The following TRPC5OS variants were observed in gnomAD, a reference collection of about 807,000 sequenced individuals.
TRPC5OS encodes putative uncharacterized protein TRPC5OS.
For missense variants in TRPC5OS, 64 were observed against 79.3 expected (o/e 0.81, Z 0.73); for synonymous variants, 30 against 29.3 (o/e 1.02, Z -0.08).
In TRPC5OS at chrX:111,901,836, A is replaced by C; in HGVS notation, c.-14A>C. Reference sequence around the variant, plus strand: ...TTTTAGTGATATTTTATCTATTTAGAAGAGCACTGCAGCATGGATTCTGTG... The same window carrying C: ...TTTTAGTGATATTTTATCTATTTAGCAGAGCACTGCAGCATGGATTCTGTG... On this transcript the variant is annotated 5_prime_UTR_variant, in exon 4 of 4. Coordinates refer to ENST00000635763, the MANE Select transcript of TRPC5OS (RefSeq NM_001195578.2). 5 of 1,097,496 alleles carry C rather than the reference A, an allele frequency of 4.6e-6. No homozygotes were observed. The highest frequency in any genetic ancestry group is 6.0e-6 in the Non-Finnish European group (5 of 838,674). 90.4% of individuals were successfully genotyped at this position (1,097,496 alleles called of 1,213,427 possible).
At chrX:111,890,454 G>A (rs936012283) in intron 1 of TRPC5OS, among the ~76,000 whole-genome samples, 17 of 112,052 alleles carry the variant, frequency 1.5e-4, no homozygotes, top group African/African-American at 2.9e-4. Flanking sequence ...GTATATGAGG[G>A]AGGATGTGCA....
At chrX:111,876,606 G>A (rs1408048112) in intron 1 of TRPC5OS, among the ~76,000 whole-genome samples, 1 of 111,495 alleles carries the variant, frequency 9.0e-6, no homozygotes, top group Non-Finnish European at 1.9e-5. Context: ...TGCCCTGAGG[G>A]AACCAGTGAA....
chrX:111,881,146 G>T (rs868155400), intron 1 of TRPC5OS, among the ~76,000 whole-genome samples: 1,422 of 101,142 alleles, frequency 0.014, 20 homozygotes, highest in African/African-American at 0.057. Flanking sequence ...ATTTTCTTTT[G>T]TTTATTTTAT....
At chrX:111,882,529 A>ACAAGGC (rs1339484356) in intron 1 of TRPC5OS, among the ~76,000 whole-genome samples, 1 of 113,127 alleles carries the variant, frequency 8.8e-6, no homozygotes, top group East Asian at 2.8e-4. Context: ...CTTAATCAAG[A>ACAAGGC]CAAGGCCAAG....
intron 1 of TRPC5OS, among the ~76,000 whole-genome samples, chrX:111,893,082 T>TTG (rs1924882685): frequency 9.2e-6 from 1 of 108,532 alleles, no homozygotes; most frequent in African/African-American, 3.4e-5. Flanking sequence ...ATATAGGGTT[T>TTG]TTTTTTTTTT....
intron 1 of TRPC5OS, among the ~76,000 whole-genome samples, chrX:111,891,520 T>C (rs1031537239): frequency 9.0e-6 from 1 of 111,535 alleles, no homozygotes; most frequent in African/African-American, 3.3e-5. Flanking sequence ...TAATCCTTGC[T>C]ACACAGGATT....
intron 1 of TRPC5OS, among the ~76,000 whole-genome samples, chrX:111,879,917 CA>C (rs1312099876): frequency 1.1e-4 from 11 of 101,469 alleles, no homozygotes; most frequent in African/African-American, 5.2e-4. Flanking sequence ...AGTTCCTCTT[CA>C]TTTTTTTTTT....
intron 1 of TRPC5OS, among the ~76,000 whole-genome samples, chrX:111,877,987 G>C (rs922347913): frequency 6.3e-5 from 7 of 111,349 alleles, no homozygotes; most frequent in African/African-American, 2.3e-4. Context: ...TTTCTATGGA[G>C]TCCTGAAATC....
At chrX:111,885,543 T>G (rs1202511747) in intron 1 of TRPC5OS, among the ~76,000 whole-genome samples, 18 of 94,249 alleles carry the variant, frequency 1.9e-4, no homozygotes, top group African/African-American at 6.4e-4. Context: ...AATCAAAGGG[T>G]TTTTTTTTTT....
At chrX:111,885,472 T>C (rs1276489394) in intron 1 of TRPC5OS, among the ~76,000 whole-genome samples, 1 of 110,212 alleles carries the variant, frequency 9.1e-6, no homozygotes, top group Non-Finnish European at 1.9e-5. Flanking sequence ...TATTTAGCAT[T>C]GAAAACTCTG....
chrX:111,892,247 A>G (rs755579634), intron 1 of TRPC5OS, among the ~76,000 whole-genome samples: 2 of 112,543 alleles, frequency 1.8e-5, no homozygotes, highest in African/African-American at 6.5e-5. Context: ...ATGTTTGCAT[A>G]ATGCTCTCCT....
At chrX:111,880,238 G>A (rs1298293230) in intron 1 of TRPC5OS, among the ~76,000 whole-genome samples, 3 of 111,569 alleles carry the variant, frequency 2.7e-5, no homozygotes, top group Non-Finnish European at 5.6e-5. Flanking sequence ...GATTTTGTTT[G>A]TAGAATGAGA....
intron 1 of TRPC5OS, among the ~76,000 whole-genome samples, chrX:111,886,496 A>T (rs1443222842): frequency 9.0e-6 from 1 of 111,187 alleles, no homozygotes; most frequent in African/African-American, 3.3e-5. Flanking sequence ...GAATTGTTGC[A>T]TGCTGTTTCA....
At chrX:111,887,739 A>G in intron 1 of TRPC5OS, among the ~76,000 whole-genome samples, 1 of 112,085 alleles carries the variant, frequency 8.9e-6, no homozygotes. Context: ...ATAAAAATGT[A>G]AGGAATTATT....
intron 1 of TRPC5OS, among the ~76,000 whole-genome samples, chrX:111,880,234 G>A (rs1367391314): frequency 2.7e-5 from 3 of 111,364 alleles, no homozygotes; most frequent in African/African-American, 9.8e-5. Flanking sequence ...TCCTGATTTT[G>A]TTTGTAGAAT....
chrX:111,900,829 T>C (rs1925306024), intron 3 of TRPC5OS, among the ~76,000 whole-genome samples: 1 of 111,736 alleles, frequency 8.9e-6, no homozygotes, highest in Admixed American at 9.5e-5. Flanking sequence ...TCATTTTAAG[T>C]GTGGTGGGGA....
At chrX:111,882,652 G>A (rs989691023) in intron 1 of TRPC5OS, among the ~76,000 whole-genome samples, 1 of 112,923 alleles carries the variant, frequency 8.9e-6, no homozygotes, top group African/African-American at 3.2e-5. Flanking sequence ...GCCTAGTTAA[G>A]GCTTGCTCAG....
chrX:111,886,332 A>T (rs1924494191), intron 1 of TRPC5OS, among the ~76,000 whole-genome samples: 1 of 112,509 alleles, frequency 8.9e-6, no homozygotes, highest in African/African-American at 3.2e-5. Context: ...TCAGTGTCAG[A>T]TACTTCAGTA....
chrX:111,888,147 C>T (rs970431055), intron 1 of TRPC5OS, among the ~76,000 whole-genome samples: 1 of 111,280 alleles, frequency 9.0e-6, no homozygotes, highest in African/African-American at 3.3e-5. Context: ...TATAAAGAAC[C>T]TAAAGAGGAA....
Sources: gnomAD v4.1 joint callset for allele counts (sites outside exome capture counted in the v4.1 genomes callset) on GRCh38, gnomAD v4.1.1 for gene constraint, MANE v1.5 for transcripts, NCBI Gene and HGNC (gene_info 2026-07-23, HGNC 2026-07-21) for gene names.